The following HK1 variants were observed in gnomAD, a reference collection of about 807,000 sequenced individuals.
The protein encoded by HK1 is hexokinase 1.
A neutral mutation model predicts 91.6 loss-of-function variants in HK1; 28 were observed. That is an observed-to-expected ratio of 0.31 (90% CI 0.23 to 0.42). The LOEUF is 0.42. Among genes scored for constraint, HK1 ranks in the 10% least tolerant of loss-of-function variants. The pLI is 1.00. For synonymous variants in HK1, 430 were observed against 468.1 expected, an observed-to-expected ratio of 0.92 and a Z score of 1.05; for missense variants, 770 against 1,219.8, an observed-to-expected ratio of 0.63 and a Z score of 5.49.
rs571513056 is a variant in HK1, at chr10:69,294,142, T to C, written c.-114-1491T>C. On this transcript the variant is annotated intron_variant, in intron 3 of 21. Transcript: ENST00000360289. The stretch of plus-strand genomic sequence containing the variant: ...TCCCAAAGTGCTGGGATTACAGGCG[T>C]GAGCCACCGCGCCCGGCCCTGCACA... 2.0e-5 allele frequency among the ~76,000 whole-genome samples: 3 copies of C among 152,176 alleles called. No homozygotes were observed. The South Asian group carries it at 6.2e-4, about 32-fold the overall frequency.
intron 13 of HK1, among the ~76,000 whole-genome samples, chr10:69,388,434 A>C (rs1839747704): frequency 7.5e-6 from 1 of 133,536 alleles, no homozygotes; most frequent in African/African-American, 2.6e-5. Context: ...GTGACAGAGC[A>C]AGACTCTGTC....
rs139485392 is a variant in HK1 at position 69,342,378 on chromosome 10, T to C, written c.64-1449T>C. Among the ~76,000 whole-genome samples the C allele has an allele frequency of 1.3e-3, 195 of 152,286 alleles. 1 individual carries two copies. The highest frequency in any genetic ancestry group is 4.3e-3 in the African/African-American group (180 of 41,562). On this transcript the variant is annotated intron_variant, in intron 1 of 17. Coordinates refer to ENST00000359426, the MANE Select transcript of HK1 (RefSeq NM_000188.3). ...CTAGGGGTCAGTGCTGAAGGAGTGG[T>C]GATATCCAGCCTGAAGGACTTGGAC...
chr10:69,306,282 C>T (rs967269603), intron 5 of HK1, among the ~76,000 whole-genome samples: 3 of 151,812 alleles, frequency 2.0e-5, no homozygotes, highest in Non-Finnish European at 2.9e-5. Flanking sequence ...GGTGTGAATC[C>T]GGGAGGTGGA....
chr10:69,384,181 G>A, intron 10 of HK1, 152 bp from the exon 11 acceptor site: 1 of 906,296 alleles, frequency 1.1e-6, no homozygotes, highest in Non-Finnish European at 1.8e-6. Context: ...CTCTTCCTCT[G>A]AGTCTGTGCT....
chr10:69,326,134 G>T (rs556691923), intron 1 of HK1, among the ~76,000 whole-genome samples: 1 of 148,368 alleles, frequency 6.7e-6, no homozygotes, highest in East Asian at 2.0e-4. Flanking sequence ...GCGCCTGGCC[G>T]CTTTTTTTTT....
In HK1 at chr10:69,279,953, T is replaced by C. The variant is rs139986334; in HGVS notation, c.-390-2576T>C. Among the ~76,000 whole-genome samples, 76 of 152,312 alleles carry C rather than the reference T, an allele frequency of 5.0e-4. No individual in the cohort carries two copies. In the East Asian group the frequency reaches 0.015, roughly 29 times the overall value. On this transcript the variant is annotated intron_variant, in intron 1 of 21. Coordinates refer to the HK1 transcript ENST00000360289. ...CCAGGAGCTTATTTTATACTTTGGT[T>C]GATCAGCGATTGTGTCTTCACTAAG...
intron 4 of HK1, among the ~76,000 whole-genome samples, chr10:69,365,134 C>G (rs1035620335): frequency 6.6e-6 from 1 of 152,106 alleles, no homozygotes; most frequent in Non-Finnish European, 1.5e-5. Context: ...TTTTGGCCAC[C>G]AGGTAGACAG....
intron 1 of HK1, among the ~76,000 whole-genome samples, chr10:69,342,162 A>AAACAAAC (rs1564526266): frequency 6.1e-4 from 86 of 141,018 alleles, no homozygotes; most frequent in African/African-American, 1.5e-3. Flanking sequence ...ACCAACCCCA[A>AAACAAAC]AAACAAACAA....
intron 1 of HK1, among the ~76,000 whole-genome samples, chr10:69,335,853 A>G (rs1317274734): frequency 3.3e-5 from 5 of 152,278 alleles, no homozygotes; most frequent in Admixed American, 2.0e-4. Flanking sequence ...CTGTCATCGG[A>G]CCGGGAGGGG....
At chr10:69,352,202 A>G (rs1031471967) in intron 2 of HK1, among the ~76,000 whole-genome samples, 2 of 152,090 alleles carry the variant, frequency 1.3e-5, no homozygotes, top group African/African-American at 4.8e-5. Context: ...CATGTTGGCC[A>G]GGCTGGTCTC....
At chr10:69,379,443 C>T (rs1402560877) in intron 8 of HK1, among the ~76,000 whole-genome samples, 1 of 152,138 alleles carries the variant, frequency 6.6e-6, no homozygotes, top group East Asian at 1.9e-4. Context: ...ACACAAAACA[C>T]GTGTACAGAA....
At chr10:69,294,609 C>T (rs561482396) in intron 3 of HK1, among the ~76,000 whole-genome samples, 68 of 152,232 alleles carry the variant, frequency 4.5e-4, no homozygotes, top group Non-Finnish European at 8.4e-4. Context: ...GTAATCCCAG[C>T]ACTTGGGAAG....
chr10:69,300,465 T>G (rs1845803681), intron 4 of HK1: 2 of 840,016 alleles, frequency 2.4e-6, no homozygotes, highest in Non-Finnish European at 3.8e-6. Context: ...TTCCTGTGTG[T>G]TTTCGTCTTG....
At chr10:69,382,434 C>G in intron 9 of HK1, 53 bp from the exon 10 acceptor site, 1 of 1,573,598 alleles carries the variant, frequency 6.4e-7, no homozygotes, top group Non-Finnish European at 8.7e-7. Flanking sequence ...GCCGGAGGTC[C>G]CCAATAAATG....
intron 4 of HK1, among the ~76,000 whole-genome samples, chr10:69,297,057 A>T (rs1177549972): frequency 1.3e-5 from 2 of 152,224 alleles, no homozygotes; most frequent in African/African-American, 4.8e-5. Flanking sequence ...CACATCATGC[A>T]GTAGAAAATC....
chr10:69,363,455 T>C (rs928779657), intron 3 of HK1, among the ~76,000 whole-genome samples: 1 of 152,224 alleles, frequency 6.6e-6, no homozygotes, highest in East Asian at 1.9e-4. Context: ...CATGGCTCAC[T>C]GTAGCCTCGA....
At chr10:69,341,309 G>A (rs375644025) in intron 1 of HK1, among the ~76,000 whole-genome samples, 1 of 151,682 alleles carries the variant, frequency 6.6e-6, no homozygotes, top group Non-Finnish European at 1.5e-5. Context: ...CTACAGGGGC[G>A]TATCACCACG....
rs564757978 is a variant in HK1, at chr10:69,378,290, A to G, written c.1031+1201A>G. 4.0e-5 allele frequency among the ~76,000 whole-genome samples: 6 copies of G among 151,500 alleles called. No individual in the cohort carries two copies. The East Asian group carries it at 1.2e-3, about 29-fold the overall frequency. ...CCAGCTAGCTCAAGAAAGCATGTAT[A>G]TTATAATAAAGGCTATCTCAAAAAA... On this transcript the variant is annotated intron_variant, in intron 8 of 17. Transcript: ENST00000359426.
chr10:69,337,887 C>T (rs983042976), intron 1 of HK1: 14 of 152,908 alleles, frequency 9.2e-5, no homozygotes, highest in African/African-American at 3.1e-4. Context: ...ACTGGTGCCT[C>T]CTGCTGCGAC....
Sources: allele counts gnomAD v4.1 joint callset (sites outside exome capture counted in the v4.1 genomes callset), GRCh38; gene constraint gnomAD v4.1.1; transcripts MANE v1.5; gene names NCBI Gene and HGNC (gene_info 2026-07-23, HGNC 2026-07-21).